Variants in MTCL1 observed in about 807,000 individuals in gnomAD.
MTCL1 encodes microtubule cross-linking factor 1.
In MTCL1, 79 loss-of-function variants were observed where a neutral mutation model predicts 141.4. That is an observed-to-expected ratio of 0.56 (90% confidence interval 0.47 to 0.67). The LOEUF (loss-of-function observed/expected upper bound fraction) is 0.67, where lower values mean the gene tolerates loss of function less well. MTCL1 is among the 30% of genes least tolerant of loss of function. The pLI, the probability that MTCL1 is intolerant of heterozygous loss-of-function variation, is 0.00. For missense variants in MTCL1, 2,177 were observed against 2,113.9 expected, an observed-to-expected ratio of 1.03 and a Z score of -0.59; for synonymous variants, 914 against 875.8, an observed-to-expected ratio of 1.04 and a Z score of -0.77.
intron 9 of MTCL1, among the ~76,000 whole-genome samples, chr18:8,796,740 T>C (rs1386938783): frequency 6.6e-6 from 1 of 152,184 alleles, no homozygotes; most frequent in Admixed American, 6.5e-5. Context: ...TATGCAGTGC[T>C]AGGCATAAAC....
chr18:8,777,963 G>A (rs1205695265), intron 5 of MTCL1, 71 bp downstream of exon 4: 14 of 1,435,280 alleles, frequency 9.8e-6, no homozygotes, highest in African/African-American at 2.8e-5. Context: ...ATGTTTTTCA[G>A]TAAGTGTTAG....
In MTCL1 at chr18:8,809,307, C is replaced by T. The variant is rs1171389441; in HGVS notation, c.2604+2247C>T. ...GGAAAGAGACGCATCTTTATGGTCA[C>T]TAACTTTCCACTAAAATTTAGCATG... On this transcript the variant is annotated intron_variant, in intron 11 of 16. Coordinates refer to ENST00000359865, the Ensembl canonical transcript of MTCL1. 2.8e-6 allele frequency: 3 copies of T among 1,067,402 alleles called. No individual in the cohort carries two copies. The African/African-American group carries it at 4.8e-5, about 17-fold the overall frequency. The allele number at this position is 1,067,402 out of a possible 1,614,324, so 66.1% of individuals were successfully genotyped here. A position where few individuals can be genotyped will look rare whatever the true frequency, so the allele number is the denominator to read the frequency against.
At chr18:8,720,240 T>C in intron 3 of MTCL1, 98 bp from the exon 3 acceptor site, 1 of 1,127,738 alleles carries the variant, frequency 8.9e-7, no homozygotes, top group East Asian at 2.4e-5. Flanking sequence ...TGTGGTGTAA[T>C]ATATTACTTA....
At chr18:8,829,106 T>A (rs1225831415) in intron 16 of MTCL1, 5 of 1,518,872 alleles carry the variant, frequency 3.3e-6, no homozygotes, top group African/African-American at 1.4e-5. Flanking sequence ...GAGGTTCGCC[T>A]AAACCCAGGA....
chr18:8,807,155 T>C (rs2076328703), intron 11 of MTCL1, 95 bp downstream of exon 10: 23 of 1,278,474 alleles, frequency 1.8e-5, no homozygotes, highest in Non-Finnish European at 2.4e-5. Flanking sequence ...TTCAGAACCA[T>C]GGGCTTCTTG....
intron 12 of MTCL1, among the ~76,000 whole-genome samples, chr18:8,817,581 C>T (rs550237660): frequency 4.6e-5 from 7 of 152,268 alleles, no homozygotes; most frequent in Admixed American, 3.3e-4. Flanking sequence ...ACCATATTTA[C>T]GTCCAACTTG....
intron 5 of MTCL1, among the ~76,000 whole-genome samples, chr18:8,783,311 G>A (rs1036950130): frequency 6.6e-6 from 1 of 151,640 alleles, no homozygotes; most frequent in Admixed American, 6.6e-5. Flanking sequence ...CTGTGGCAAA[G>A]CAACAAACTG....
At chr18:8,710,888 C>CTTTTTTTTTTTTTT (rs71356255) in intron 1 of MTCL1, among the ~76,000 whole-genome samples, 5 of 80,928 alleles carry the variant, frequency 6.2e-5, no homozygotes, top group African/African-American at 1.0e-4. Context: ...TTTTTTTTTA[C>CTTTTTTTTTTTTTT]TTTTTTTTTT....
intron 4 of MTCL1, among the ~76,000 whole-genome samples, chr18:8,749,343 A>T (rs1036824394): frequency 6.6e-6 from 1 of 152,242 alleles, no homozygotes; most frequent in African/African-American, 2.4e-5. Flanking sequence ...GCTGCAAGCC[A>T]TGCTGTCACC....
chr18:8,796,327 T>C (rs748676040), exon 9 of MTCL1: 1 of 1,613,962 alleles, frequency 6.2e-7, no homozygotes, highest in African/African-American at 1.3e-5. Context: ...CCTGGAGTGA[T>C]GAGAAGAATC....
At chr18:8,720,244 T>C in intron 3 of MTCL1, 94 bp from the exon 3 acceptor site, 8 of 1,185,022 alleles carry the variant, frequency 6.8e-6, no homozygotes, top group Non-Finnish European at 8.6e-6. Context: ...GTGTAATATA[T>C]TACTTAATGA....
chr18:8,745,335 G>A (rs2096330477), intron 4 of MTCL1, among the ~76,000 whole-genome samples: 1 of 152,008 alleles, frequency 6.6e-6, no homozygotes, highest in Non-Finnish European at 1.5e-5. Context: ...TGTACCCCTC[G>A]GATGTATATT....
At position 8,793,068 on chromosome 18, in the gene MTCL1, C is replaced by T. The variant is rs550231402; in HGVS notation, c.1958C>T (p.Ala653Val). The change falls in exon 8 of 17, where the codon GCG becomes GTG. Residue 653 changes from alanine (A) to valine (V), a missense_variant. Transcript: ENST00000359865. ...GAGCTACAGGGTCAGCTCGTGCAGG[C>T]GGCCAGACTGCATCAAGAGGAGACA... The T allele has an allele frequency of 5.6e-6, 9 of 1,613,988 alleles. No individual in the cohort carries two copies. Among genetic ancestry groups the T allele is most frequent in the African/African-American group, 2.7e-5 (2 of 74,914 alleles).
At chr18:8,774,544 A>G (rs369409021) in intron 4 of MTCL1, among the ~76,000 whole-genome samples, 1 of 150,558 alleles carries the variant, frequency 6.6e-6, no homozygotes, top group African/African-American at 2.5e-5. Flanking sequence ...CTGGAGTGCA[A>G]CGGCGCCATC....
rs1209504789 is a variant in MTCL1 at position 8,825,262 on chromosome 18, AG to A, written c.3757del (p.Ala1253HisfsTer28). 5 of 1,585,356 alleles carry A rather than the reference AG, an allele frequency of 3.2e-6. No homozygotes were observed. Among genetic ancestry groups the A allele is most frequent in the Admixed American group, 1.8e-5 (1 of 56,802 alleles). Reference sequence around the variant, plus strand: ...CCCAGGCACTCCCGGGACTATGTGGAGGGGGCACGGCGCCCCCTTGATAGTC... The same window carrying A: ...CCCAGGCACTCCCGGGACTATGTGGAGGGGCACGGCGCCCCCTTGATAGTC... On this transcript the variant is annotated frameshift_variant, in exon 15 of 17. Transcript: ENST00000359865. LOFTEE classifies it high-confidence loss of function.
chr18:8,818,933 C>A, intron 12 of MTCL1, 30 bp from the exon 12 acceptor site: 1 of 1,587,436 alleles, frequency 6.3e-7, no homozygotes, highest in South Asian at 1.1e-5. Flanking sequence ...AAAAGTGAGG[C>A]TAATTATTTT....
At chr18:8,748,169 A>G (rs2148940103) in intron 4 of MTCL1, among the ~76,000 whole-genome samples, 1 of 151,980 alleles carries the variant, frequency 6.6e-6, no homozygotes, top group South Asian at 2.1e-4. Context: ...CCTGCACTGA[A>G]CTGAGGTGCC....
chr18:8,744,419 A>G (rs2096323889), intron 4 of MTCL1, among the ~76,000 whole-genome samples: 1 of 152,182 alleles, frequency 6.6e-6, no homozygotes, highest in Non-Finnish European at 1.5e-5. Flanking sequence ...TCTTTAAGGG[A>G]CACTGTATAT....
exon 1 of MTCL1, chr18:8,706,120 T>C (rs2096057760): frequency 2.5e-6 from 3 of 1,212,420 alleles, no homozygotes; most frequent in Admixed American, 8.7e-5. Context: ...CGAGCCGCCG[T>C]CTGCCGCTGC....
Sources: gnomAD v4.1 joint callset for allele counts (sites outside exome capture counted in the v4.1 genomes callset) on GRCh38, gnomAD v4.1.1 for gene constraint, MANE v1.5 for transcripts, NCBI Gene and HGNC (gene_info 2026-07-23, HGNC 2026-07-21) for gene names.